Variants in CCDC91 observed in about 807,000 individuals in gnomAD.
CCDC91 encodes coiled-coil domain-containing protein 91.
A neutral mutation model predicts 63.2 loss-of-function variants in CCDC91; 48 were observed. The ratio of observed to expected loss-of-function variants is 0.76; its 90% CI spans 0.60 to 0.97. CCDC91 has a LOEUF of 0.97. CCDC91 is among the 50% of genes least tolerant of loss of function. The pLI is 0.00. For missense variants in CCDC91, 500 were observed against 494.6 expected (o/e 1.01, Z -0.10); for synonymous variants, 167 against 165.8 (o/e 1.01, Z -0.06).
At chr12:28,322,446 A>G (rs1186822872) in intron 6 of CCDC91, among the ~76,000 whole-genome samples, 1 of 151,812 alleles carries the variant, frequency 6.6e-6, no homozygotes. Context: ...AATTTCTTGA[A>G]ACCTTTCTTC....
chr12:28,403,681 A>T (rs1946767590), intron 8 of CCDC91, among the ~76,000 whole-genome samples: 1 of 152,190 alleles, frequency 6.6e-6, no homozygotes, highest in Non-Finnish European at 1.5e-5. Flanking sequence ...TATAGCAGTT[A>T]TTAATTATTG....
chr12:28,490,165 T>A lies in CCDC91; in HGVS notation c.1215+6000T>A, dbSNP rs1472799660. Among the ~76,000 whole-genome samples the A allele has an allele frequency of 4.6e-5, 7 of 151,974 alleles. No homozygotes were observed. In the Middle Eastern group the frequency reaches 0.01, roughly 222 times the overall value. ...TTCCCATCTTCCTGCCCCTTTCTCA[T>A]CCTAATTACTCTTGCTTCTATCCAA... On this transcript the variant is annotated intron_variant, in intron 12 of 12. Coordinates refer to ENST00000536442, the MANE Select transcript of CCDC91 (RefSeq NM_018318.5).
At chr12:28,233,602 CT>C (rs1944749172) in intron 1 of CCDC91, among the ~76,000 whole-genome samples, 1 of 152,086 alleles carries the variant, frequency 6.6e-6, no homozygotes, top group Admixed American at 6.6e-5. Context: ...ATTGGAATAG[CT>C]TTGTGAATAC....
At chr12:28,304,067 C>A (rs1408197053) in intron 3 of CCDC91, among the ~76,000 whole-genome samples, 2 of 151,824 alleles carry the variant, frequency 1.3e-5, no homozygotes, top group Non-Finnish European at 2.9e-5. Context: ...TTTCACTTTT[C>A]TGTATTTGAG....
chr12:28,300,792 GT>G (rs1391538860), intron 3 of CCDC91, among the ~76,000 whole-genome samples: 1 of 151,472 alleles, frequency 6.6e-6, no homozygotes, highest in Non-Finnish European at 1.5e-5. Flanking sequence ...TCTTTCAGGA[GT>G]GTTTTAAAGT....
At chr12:28,289,887 T>C (rs1949133257) in intron 3 of CCDC91, among the ~76,000 whole-genome samples, 1 of 151,688 alleles carries the variant, frequency 6.6e-6, no homozygotes, top group Admixed American at 6.6e-5. Context: ...AGAGACAGGG[T>C]TTCACCGTGT....
At chr12:28,311,189 G>T (rs1339335197) in intron 6 of CCDC91, among the ~76,000 whole-genome samples, 2 of 151,984 alleles carry the variant, frequency 1.3e-5, no homozygotes, top group African/African-American at 4.8e-5. Flanking sequence ...CTGAGATAAG[G>T]TGGGATTTCA....
chr12:28,538,257 TC>T (rs1240487977), intron 12 of CCDC91, among the ~76,000 whole-genome samples: 5 of 46,706 alleles, frequency 1.1e-4, no homozygotes, highest in African/African-American at 4.3e-4. Context: ...CCCTCCCCCT[TC>T]CCCCCCCCCC....
At chr12:28,433,006 C>T (rs1252145095) in intron 8 of CCDC91, among the ~76,000 whole-genome samples, 2 of 151,934 alleles carry the variant, frequency 1.3e-5, no homozygotes, top group Non-Finnish European at 2.9e-5. Flanking sequence ...TTATTGCCAT[C>T]TCTGTATCTT....
At chr12:28,498,533 A>T (rs1952437933) in intron 12 of CCDC91, among the ~76,000 whole-genome samples, 1 of 151,700 alleles carries the variant, frequency 6.6e-6, no homozygotes, top group South Asian at 2.1e-4. Flanking sequence ...CATGTCACAC[A>T]GTCAAACTCA....
At chr12:28,276,235 A>AAT (rs1948218556) in intron 3 of CCDC91, among the ~76,000 whole-genome samples, 1 of 152,020 alleles carries the variant, frequency 6.6e-6, no homozygotes, top group African/African-American at 2.4e-5. Context: ...TTAATCATGT[A>AAT]ATATATATGA....
At chr12:28,519,246 T>C (rs1940308346) in intron 12 of CCDC91, among the ~76,000 whole-genome samples, 1 of 152,096 alleles carries the variant, frequency 6.6e-6, no homozygotes, top group South Asian at 2.1e-4. Context: ...CTAGTTTTCC[T>C]TGCAGAGGTC....
intron 12 of CCDC91, among the ~76,000 whole-genome samples, chr12:28,542,061 A>T (rs557858452): frequency 6.6e-6 from 1 of 152,198 alleles, no homozygotes; most frequent in South Asian, 2.1e-4. Context: ...TGTTGGAAAC[A>T]GTTGTTACCA....
chr12:28,328,900 A>G (rs969984885), intron 6 of CCDC91, among the ~76,000 whole-genome samples: 2 of 152,162 alleles, frequency 1.3e-5, no homozygotes, highest in Non-Finnish European at 2.9e-5. Flanking sequence ...GCTTAAAATA[A>G]GAAAAACAGT....
chr12:28,367,490 T>C (rs1288223400), intron 7 of CCDC91, among the ~76,000 whole-genome samples: 1 of 152,132 alleles, frequency 6.6e-6, no homozygotes, highest in Admixed American at 6.5e-5. Flanking sequence ...GTTTAGGAAT[T>C]TGTGGGATTA....
At position 28,437,982 on chromosome 12, in the gene CCDC91, A is replaced by C. The variant is rs556269024; in HGVS notation, c.763-12179A>C. 1.1e-3 allele frequency among the ~76,000 whole-genome samples: 170 copies of C among 152,264 alleles called. 2 individuals are homozygous for C. The highest frequency in any genetic ancestry group is 3.5e-3 in the African/African-American group (144 of 41,574). On this transcript the variant is annotated intron_variant, in intron 8 of 12. Transcript: ENST00000536442. ...TTTATAAAATAGACATGCATGAAAA[A>C]TTGAGGACTAAATACGTAGTATTTT... is the stretch of plus-strand genomic sequence containing the variant.
chr12:28,505,608 C>G (rs1938606428), intron 12 of CCDC91: 1 of 152,024 alleles, frequency 6.6e-6, no homozygotes, highest in Non-Finnish European at 1.5e-5. Context: ...GCACTCCTCT[C>G]CTAATGATCC....
chr12:28,321,280 A>G (rs140947709), intron 6 of CCDC91, among the ~76,000 whole-genome samples: 1 of 151,920 alleles, frequency 6.6e-6, no homozygotes, highest in African/African-American at 2.4e-5. Flanking sequence ...ACTTAGCTGA[A>G]TCATACTTGT....
intron 8 of CCDC91, among the ~76,000 whole-genome samples, chr12:28,398,571 A>G (rs1324545953): frequency 3.3e-5 from 5 of 152,086 alleles, no homozygotes; most frequent in Admixed American, 1.3e-4. Context: ...TATATGTTTA[A>G]CTTTAAAACC....
Sources: allele counts gnomAD v4.1 joint callset (sites outside exome capture counted in the v4.1 genomes callset), GRCh38; gene constraint gnomAD v4.1.1; transcripts MANE v1.5; gene names NCBI Gene and HGNC (gene_info 2026-07-23, HGNC 2026-07-21).